Variants in DDX46 observed in about 807,000 individuals in gnomAD.
DDX46 encodes the protein DEAD-box helicase 46, also known as probable ATP-dependent RNA helicase DDX46.
DDX46 carries 30 observed loss-of-function variants against 134.9 expected under a neutral mutation model. The ratio of observed to expected loss-of-function variants is 0.22; its 90% confidence interval spans 0.17 to 0.30. The LOEUF (loss-of-function observed/expected upper bound fraction) is 0.30, where lower values mean the gene tolerates loss of function less well. DDX46 is among the 10% of genes least tolerant of loss of function. The probability of loss-of-function intolerance (pLI) is 1.00; values close to 1 mark genes in which losing one functional copy is unlikely to be tolerated. For missense variants in DDX46, 622 were observed against 1,248.7 expected, an observed-to-expected ratio of 0.50 and a Z score of 7.56; for synonymous variants, 415 against 404.1, an observed-to-expected ratio of 1.03 and a Z score of -0.32.
At chr5:134,820,084 G>A (rs1010472145) in intron 21 of DDX46, among the ~76,000 whole-genome samples, 24 of 152,018 alleles carry the variant, frequency 1.6e-4, no homozygotes, top group African/African-American at 4.1e-4. Context: ...ACCATGCCTG[G>A]CTCATTTTTG....
At chr5:134,804,657 T>A (rs1754930232) in intron 15 of DDX46, 1 of 209,184 alleles carries the variant, frequency 4.8e-6, no homozygotes, top group Non-Finnish European at 9.8e-6. Flanking sequence ...CCCGTTTGTC[T>A]TAATAAATTA....
intron 4 of DDX46, among the ~76,000 whole-genome samples, 156 bp from the exon 5 acceptor site, chr5:134,773,540 G>A (rs913939020): frequency 6.6e-6 from 1 of 152,152 alleles, no homozygotes. Context: ...ATAAAGGTAT[G>A]TGATCTAAGT....
At chr5:134,782,831 A>C in intron 8 of DDX46, 114 bp from the exon 9 acceptor site, 1 of 1,342,016 alleles carries the variant, frequency 7.5e-7, no homozygotes, top group Non-Finnish European at 1.0e-6. Context: ...TACAGGTGTG[A>C]GCCGCTGGGT....
Position 134,817,642 on chromosome 5 carries a change from G to A in DDX46, c.2760G>A (p.Glu920=). ...TGCCGTTAGAGAAACAAGAAGAAGA[G>A]AGACAGGATGGTGGACAGAATGAAT... ...NYVPLEKQEE[E]RQDGGQNESF... is the part of the protein sequence containing the mutation. The change falls in exon 20 of 23, where the codon GAG becomes GAA. Residue 920 remains glutamate, a synonymous_variant. Coordinates refer to ENST00000452510, the MANE Select transcript of DDX46 (RefSeq NM_001300860.2). The A allele has an allele frequency of 6.2e-7, 1 of 1,614,176 alleles. No homozygotes were observed. The highest frequency in any genetic ancestry group is 8.5e-7 in the Non-Finnish European group (1 of 1,180,030).
At chr5:134,799,856 G>A (rs1754774659) in intron 15 of DDX46, among the ~76,000 whole-genome samples, 1 of 152,028 alleles carries the variant, frequency 6.6e-6, no homozygotes, top group East Asian at 1.9e-4. Flanking sequence ...GCCAGTCTGG[G>A]CAACATAGTG....
chr5:134,778,019 T>TA, intron 6 of DDX46: 2 of 197,838 alleles, frequency 1.0e-5, no homozygotes, highest in Non-Finnish European at 9.9e-6. Flanking sequence ...TCTTTGATAC[T>TA]CTTTTTTTTT....
chr5:134,803,507 G>T (rs764574831), intron 15 of DDX46, among the ~76,000 whole-genome samples: 25 of 152,124 alleles, frequency 1.6e-4, no homozygotes, highest in Non-Finnish European at 2.5e-4. Context: ...CTGAGTTTCT[G>T]TTCAAGTTTT....
chr5:134,761,782 A>G (rs960517290), intron 1 of DDX46, among the ~76,000 whole-genome samples: 2 of 152,152 alleles, frequency 1.3e-5, no homozygotes, highest in Non-Finnish European at 2.9e-5. Context: ...GCTAGCTTCA[A>G]GATATCCAGA....
chr5:134,780,242 A>G (rs1407657463), intron 6 of DDX46, among the ~76,000 whole-genome samples: 2 of 150,190 alleles, frequency 1.3e-5, no homozygotes, highest in African/African-American at 4.9e-5. Context: ...ATATGTGTAT[A>G]TATTATATAT....
intron 3 of DDX46, 85 bp from the exon 4 acceptor site, chr5:134,770,818 A>G (rs1181019733): frequency 2.8e-6 from 2 of 703,744 alleles, no homozygotes; most frequent in South Asian, 3.7e-5. Context: ...CACTGTCTCA[A>G]AAAAAAAAAA....
intron 1 of DDX46, among the ~76,000 whole-genome samples, chr5:134,763,012 T>C (rs530926109): frequency 4.3e-4 from 66 of 152,138 alleles, no homozygotes; most frequent in African/African-American, 1.5e-3. Flanking sequence ...TGAGCTGAGA[T>C]TGTGCCACTG....
At chr5:134,786,492 T>C (rs534825875) in intron 11 of DDX46, among the ~76,000 whole-genome samples, 3 of 152,192 alleles carry the variant, frequency 2.0e-5, no homozygotes, top group Non-Finnish European at 4.4e-5. Context: ...GAGTTTGTCC[T>C]GGAACCTAGG....
intron 10 of DDX46, 127 bp from the exon 11 acceptor site, chr5:134,785,338 G>A: frequency 2.6e-6 from 3 of 1,140,908 alleles, no homozygotes; most frequent in Non-Finnish European, 3.5e-6. Context: ...ATAGTTTTCA[G>A]GGATGCATAA....
At chr5:134,781,452 TG>T (rs1392127994) in intron 7 of DDX46, among the ~76,000 whole-genome samples, 4 of 152,168 alleles carry the variant, frequency 2.6e-5, no homozygotes, top group African/African-American at 7.2e-5. Flanking sequence ...CCTAACTGTA[TG>T]ATCTTTCTGC....
At chr5:134,782,503 T>A (rs1305490569) in intron 8 of DDX46, among the ~76,000 whole-genome samples, 1 of 151,534 alleles carries the variant, frequency 6.6e-6, no homozygotes, top group African/African-American at 2.4e-5. Context: ...TAAAAAAAAT[T>A]GTTGGTTTTG....
chr5:134,786,983 T>A (rs544196197), intron 11 of DDX46, among the ~76,000 whole-genome samples: 1 of 152,234 alleles, frequency 6.6e-6, no homozygotes, highest in East Asian at 1.9e-4. Flanking sequence ...AGTGCAGTGG[T>A]GTGACCTTGG....
chr5:134,796,681 C>T (rs1296916788), intron 15 of DDX46, among the ~76,000 whole-genome samples: 1 of 149,866 alleles, frequency 6.7e-6, no homozygotes, highest in Non-Finnish European at 1.5e-5. Context: ...GGCGAAACTC[C>T]ATCTGTACTA....
intron 6 of DDX46, among the ~76,000 whole-genome samples, chr5:134,778,098 A>G (rs1754004645): frequency 6.9e-6 from 1 of 145,022 alleles, no homozygotes; most frequent in African/African-American, 2.6e-5. Context: ...GGCTTACTGC[A>G]TCCTCCACCT....
Position 134,763,894 on chromosome 5 carries a change from A to G in DDX46, c.18-10A>G, listed in dbSNP as rs909766807. On this transcript the variant is annotated splice_polypyrimidine_tract_variant and intron_variant, in intron 1 of 22. Coordinates refer to ENST00000452510, the MANE Select transcript of DDX46 (RefSeq NM_001300860.2). ...GTTTGCTGAACTTAATCTTTGACTT[A>G]TTGTTCTAGCCACTATCGAAAACGA... is the stretch of plus-strand genomic sequence containing the variant. The G allele has an allele frequency of 4.4e-6, 7 of 1,603,198 alleles. No homozygotes were observed. The Admixed American group carries it at 1.2e-4, about 28-fold the overall frequency.
Sources: allele counts gnomAD v4.1 joint callset (sites outside exome capture counted in the v4.1 genomes callset), GRCh38; gene constraint gnomAD v4.1.1; transcripts MANE v1.5; gene names NCBI Gene and HGNC (gene_info 2026-07-23, HGNC 2026-07-21).